Variants in CHRM2 observed in about 807,000 individuals in gnomAD.
The protein encoded by CHRM2 is muscarinic acetylcholine receptor M2.
In CHRM2, 8 loss-of-function variants were observed where a neutral mutation model predicts 25.0. That is an observed-to-expected ratio of 0.32 (90% CI 0.19 to 0.58). CHRM2 has a LOEUF of 0.58. Ranked by LOEUF, CHRM2 falls within the 20% of genes least tolerant of loss-of-function variation. The pLI, the probability that CHRM2 is intolerant of heterozygous loss-of-function variation, is 0.88. For synonymous variants in CHRM2, 202 were observed against 205.7 expected (o/e 0.98, Z 0.15); for missense variants, 440 against 567.1 (o/e 0.78, Z 2.28).
At chr7:136,959,549 CCAAACTCTA>C (rs2130886171) in intron 2 of CHRM2, among the ~76,000 whole-genome samples, 1 of 152,264 alleles carries the variant, frequency 6.6e-6, no homozygotes, top group Non-Finnish European at 1.5e-5. Flanking sequence ...AAGACAGAAA[CCAAACTCTA>C]CATTTTTCCA....
intron 2 of CHRM2, among the ~76,000 whole-genome samples, chr7:136,910,335 A>G (rs1037023716): frequency 6.6e-6 from 1 of 151,952 alleles, no homozygotes; most frequent in Non-Finnish European, 1.5e-5. Flanking sequence ...CTATGTCTAC[A>G]TGACCCTAGT....
intron 2 of CHRM2, among the ~76,000 whole-genome samples, chr7:136,896,717 T>C (rs528946523): frequency 1.3e-5 from 2 of 152,204 alleles, no homozygotes; most frequent in Admixed American, 6.5e-5. Flanking sequence ...GAGAATATGA[T>C]GTGTTTGCCA....
intron 2 of CHRM2, among the ~76,000 whole-genome samples, chr7:136,935,964 C>T (rs1048983277): frequency 6.6e-6 from 1 of 152,138 alleles, no homozygotes; most frequent in Non-Finnish European, 1.5e-5. Context: ...TTGTCACTGC[C>T]TTACCAATGA....
At chr7:136,920,539 G>T (rs1261064851) in intron 2 of CHRM2, among the ~76,000 whole-genome samples, 2 of 152,072 alleles carry the variant, frequency 1.3e-5, no homozygotes, top group African/African-American at 4.8e-5. Context: ...ATCTCTGGGG[G>T]AATCATGAAG....
chr7:136,894,441 G>A lies in CHRM2; in HGVS notation c.-125+25023G>A, dbSNP rs910548777. The stretch of plus-strand genomic sequence containing the variant: ...GGCTGGACTGCAGTGGTGCGATCTC[G>A]GCTCACTGCAACTTCTGCCTCCCAG... On this transcript the variant is annotated intron_variant, in intron 2 of 3. Coordinates refer to ENST00000680005, the MANE Select transcript of CHRM2 (RefSeq NM_001006630.2). Among the ~76,000 whole-genome samples, 8 of 152,092 alleles carry A rather than the reference G, an allele frequency of 5.3e-5. No individual in the cohort carries two copies. In the East Asian group the frequency reaches 5.8e-4, roughly 11 times the overall value.
At chr7:136,883,105 C>T (rs1437265761) in intron 2 of CHRM2, among the ~76,000 whole-genome samples, 1 of 152,160 alleles carries the variant, frequency 6.6e-6, no homozygotes, top group African/African-American at 2.4e-5. Flanking sequence ...CTTTCATCTG[C>T]TCTCTTACGT....
In CHRM2 at chr7:136,972,611, T is replaced by G. The variant is rs146529575; in HGVS notation, c.-124-19576T>G. ...AATGAGAACTCAGGTTTGAATGAAT[T>G]AGGTTGGATTTTGGAATATGCTTGT... On this transcript the variant is annotated intron_variant, in intron 2 of 3. Coordinates refer to ENST00000680005, the MANE Select transcript of CHRM2 (RefSeq NM_001006630.2). Among the ~76,000 whole-genome samples the G allele has an allele frequency of 2.2e-3, 341 of 152,302 alleles. 2 individuals carry two copies. Among genetic ancestry groups the G allele is most frequent in the African/African-American group, 8.1e-3 (335 of 41,564 alleles).
rs551175467 is a variant in CHRM2, at chr7:136,984,182, G to A, written c.-124-8005G>A. 9.9e-5 allele frequency among the ~76,000 whole-genome samples: 15 copies of A among 152,114 alleles called. No homozygotes were observed. The South Asian group carries it at 2.9e-3, about 29-fold the overall frequency. On this transcript the variant is annotated intron_variant, in intron 2 of 3. Transcript: ENST00000680005. ...GAGGCAGTCTGGCTATAGTGGTTTG[G>A]TAGTGATGTGGTGGGCTCCACCCAG...
intron 2 of CHRM2, among the ~76,000 whole-genome samples, chr7:136,877,778 T>C (rs569484388): frequency 1.3e-5 from 2 of 152,162 alleles, no homozygotes; most frequent in Non-Finnish European, 2.9e-5. Context: ...CCCTTAGTCA[T>C]GCTGATGATT....
chr7:136,932,604 T>C (rs1799171359), intron 2 of CHRM2, among the ~76,000 whole-genome samples: 1 of 152,188 alleles, frequency 6.6e-6, no homozygotes, highest in Non-Finnish European at 1.5e-5. Context: ...CTACCTTACA[T>C]TATACATTAA....
At chr7:136,905,721 TTTAA>T (rs1171081903) in intron 2 of CHRM2, among the ~76,000 whole-genome samples, 3 of 151,588 alleles carry the variant, frequency 2.0e-5, no homozygotes, top group Admixed American at 6.6e-5. Flanking sequence ...AAATTGGTAG[TTTAA>T]TTCTCTCATA....
chr7:136,978,267 CTT>C (rs879462165), intron 2 of CHRM2, among the ~76,000 whole-genome samples: 7 of 152,132 alleles, frequency 4.6e-5, no homozygotes, highest in African/African-American at 1.7e-4. Context: ...GTTTAAGAAA[CTT>C]TATTTCCATT....
rs1021225561 is a variant in CHRM2, at chr7:136,939,449, A to G, written c.-124-52738A>G. ...TCAGTGTTTCTTTTTCTGCAAAGTA[A>G]GGATAATATTATTTACTCTGCCCAA... On this transcript the variant is annotated intron_variant, in intron 2 of 3. Coordinates refer to ENST00000680005, the MANE Select transcript of CHRM2 (RefSeq NM_001006630.2). Among the ~76,000 whole-genome samples the G allele has an allele frequency of 3.3e-5, 5 of 152,244 alleles. No homozygotes were observed. In the East Asian group the frequency reaches 9.6e-4, roughly 29 times the overall value.
At chr7:137,011,346 A>C (rs1804812287) in intron 3 of CHRM2, among the ~76,000 whole-genome samples, 1 of 151,768 alleles carries the variant, frequency 6.6e-6, no homozygotes, top group Non-Finnish European at 1.5e-5. Flanking sequence ...CAAAGGCCTC[A>C]GAACTAGGGA....
chr7:136,908,167 A>T (rs1392490169), intron 2 of CHRM2, among the ~76,000 whole-genome samples: 1 of 151,930 alleles, frequency 6.6e-6, no homozygotes, highest in African/African-American at 2.4e-5. Context: ...AACTTATTTA[A>T]ACCTCAAAAG....
intron 3 of CHRM2, among the ~76,000 whole-genome samples, chr7:137,000,501 CATAAT>C (rs937320382): frequency 5.6e-5 from 7 of 124,570 alleles, no homozygotes; most frequent in Non-Finnish European, 1.2e-4. Flanking sequence ...CGCCTAGTCT[CATAAT>C]ATATTATTAT....
intron 3 of CHRM2, among the ~76,000 whole-genome samples, chr7:136,994,328 A>T (rs1803429759): frequency 6.6e-6 from 1 of 152,160 alleles, no homozygotes; most frequent in South Asian, 2.1e-4. Context: ...ATTCCATATG[A>T]AAGTTATTTC....
At chr7:136,900,147 C>A (rs554404368) in intron 2 of CHRM2, among the ~76,000 whole-genome samples, 59 of 152,092 alleles carry the variant, frequency 3.9e-4, no homozygotes, top group African/African-American at 1.2e-3. Context: ...GAACAAAAGA[C>A]AGGCTTATTT....
chr7:136,993,939 T>A (rs1803400889), intron 3 of CHRM2, among the ~76,000 whole-genome samples: 1 of 152,174 alleles, frequency 6.6e-6, no homozygotes, highest in African/African-American at 2.4e-5. Context: ...GTACATTCAA[T>A]GATAAATAAA....
Sources: allele counts gnomAD v4.1 joint callset (sites outside exome capture counted in the v4.1 genomes callset), GRCh38; gene constraint gnomAD v4.1.1; transcripts MANE v1.5; gene names NCBI Gene and HGNC (gene_info 2026-07-23, HGNC 2026-07-21).